The following SKIL variants were observed in gnomAD, a reference collection of about 807,000 sequenced individuals.
SKIL encodes ski-like protein.
In SKIL, 20 loss-of-function variants were observed where a neutral mutation model predicts 69.6. The ratio of observed to expected loss-of-function variants is 0.29; its 90% confidence interval spans 0.20 to 0.42. The LOEUF is 0.42. Among genes scored for constraint, SKIL ranks in the 10% least tolerant of loss-of-function variants. SKIL has a pLI of 1.00. For synonymous variants in SKIL, 310 were observed against 279.9 expected, an observed-to-expected ratio of 1.11 and a Z score of -1.08; for missense variants, 745 against 783.1, an observed-to-expected ratio of 0.95 and a Z score of 0.58.
At position 170,392,343 on chromosome 3, in the gene SKIL, A is replaced by G; in HGVS notation, c.1981A>G (p.Arg661Gly). The G allele has an allele frequency of 6.2e-7, 1 of 1,613,256 alleles. No individual in the cohort carries two copies. The highest frequency in any genetic ancestry group is 8.5e-7 in the Non-Finnish European group (1 of 1,179,234). The change falls in exon 7 of 7, where the codon AGA (arginine) becomes GGA (glycine). Residue 661 changes from arginine to glycine, a missense_variant. Arg to Gly is a moderately radical substitution (Grantham distance 125, BLOSUM62 -2). Transcript: ENST00000259119. ...TGAACTCAGACAGGAACGGGAAGCAAGACAGAAGTTAGAGATGATGATAAA... is the reference window on the plus strand; with the variant it reads ...TGAACTCAGACAGGAACGGGAAGCAGGACAGAAGTTAGAGATGATGATAAA... Reference protein sequence around the residue: ...QDELRQEREARQKLEMMIKEL... With the variant: ...QDELRQEREAGQKLEMMIKEL...
Position 170,392,348 on chromosome 3 carries a change from G to T in SKIL, c.1986G>T (p.Gln662His), listed in dbSNP as rs1435177362. ...TCAGACAGGAACGGGAAGCAAGACA[G>T]AAGTTAGAGATGATGATAAAAGAGC... ...DELRQEREAR[Q>H]KLEMMIKELK... is the part of the protein sequence containing the mutation. Residue 662 changes from glutamine (Q) to histidine (H), a missense_variant, in exon 7 of 7, where the codon CAG becomes CAT. Physicochemically the swap from Gln to His is conservative, Grantham distance 24. Coordinates refer to ENST00000259119, the MANE Select transcript of SKIL (RefSeq NM_005414.5). 15 of 1,612,810 alleles carry T rather than the reference G, an allele frequency of 9.3e-6. No individual in the cohort carries two copies. The highest frequency in any genetic ancestry group is 1.7e-5 in the Admixed American group (1 of 59,986).
chr3:170,393,111 G>T lies in SKIL; in HGVS notation c.*694G>T, dbSNP rs887430154. The T allele has an allele frequency of 6.6e-6, 1 of 152,084 alleles. No homozygotes were observed. Among genetic ancestry groups the T allele is most frequent in the African/African-American group, 2.4e-5 (1 of 41,434 alleles). 9.4% of individuals were successfully genotyped at this position (152,084 alleles called of 1,614,324 possible). A position where few individuals can be genotyped will look rare whatever the true frequency, so the allele number is the denominator to read the frequency against. On this transcript the variant is annotated 3_prime_UTR_variant, in exon 7 of 7. Coordinates refer to ENST00000259119, the MANE Select transcript of SKIL (RefSeq NM_005414.5). ...TTCAGTTTAAATGTGGTTATAGTTA[G>T]ATTTTTTTTTAAGCAGCAACTTTTC... is the stretch of plus-strand genomic sequence containing the variant.
At chr3:170,380,650 A>AT (rs1175221303) in intron 2 of SKIL, among the ~76,000 whole-genome samples, 10 of 152,030 alleles carry the variant, frequency 6.6e-5, no homozygotes, top group South Asian at 4.1e-4. Flanking sequence ...CTCAAAAAAA[A>AT]AAAAAAAATA....
intron 4 of SKIL, among the ~76,000 whole-genome samples, chr3:170,388,395 C>G (rs9835292): frequency 6.6e-6 from 1 of 152,002 alleles, no homozygotes; most frequent in South Asian, 2.1e-4. Context: ...ATTCTGGATA[C>G]TGGATCCTTA....
chr3:170,387,933 CAAA>C (rs541166783), intron 4 of SKIL, among the ~76,000 whole-genome samples: 2 of 51,086 alleles, frequency 3.9e-5, no homozygotes, highest in Non-Finnish European at 3.3e-5. Flanking sequence ...GACTCCGTCT[CAAA>C]AAAAAAAAAA....
intron 2 of SKIL, among the ~76,000 whole-genome samples, chr3:170,371,520 GAAAAAC>G: frequency 6.6e-6 from 1 of 152,106 alleles, no homozygotes; most frequent in South Asian, 2.1e-4. Flanking sequence ...AAAAGAAAAA[GAAAAAC>G]AAAAGGAGTA....
chr3:170,384,893 A>G, intron 4 of SKIL, 128 bp downstream of exon 4: 1 of 576,152 alleles, frequency 1.7e-6, no homozygotes, highest in South Asian at 2.3e-5. Context: ...TAAAAATGCT[A>G]CCCTTCAAAA....
At position 170,390,246 on chromosome 3, in the gene SKIL, A is replaced by G; in HGVS notation, c.1453A>G (p.Thr485Ala). Residue 485 changes from threonine (T) to alanine (A), a missense_variant, in exon 5 of 7, where the codon ACA becomes GCA. Coordinates refer to ENST00000259119, the MANE Select transcript of SKIL (RefSeq NM_005414.5). ...AGATGCATCAATCTCAAATAATTCTACAAGTAAAAGGAAATCTGAGTCTGC... is the reference window on the plus strand; with the variant it reads ...AGATGCATCAATCTCAAATAATTCTGCAAGTAAAAGGAAATCTGAGTCTGC... ...RLDASISNNS[T>A]SKRKSESATC... is the part of the protein sequence containing the mutation. 2.5e-6 allele frequency: 4 copies of G among 1,611,558 alleles called. No individual in the cohort carries two copies. The highest frequency in any genetic ancestry group is 1.7e-5 in the Admixed American group (1 of 59,970).
Position 170,360,480 on chromosome 3 carries a change from A to G in SKIL, c.149A>G (p.Lys50Arg). ...ACGATAAACAAGGTGCCAACAGTTAAGAAGGAACACTTGGATGACTATGGA... is the reference window on the plus strand; with the variant it reads ...ACGATAAACAAGGTGCCAACAGTTAGGAAGGAACACTTGGATGACTATGGA... ...GKTINKVPTVKKEHLDDYGEA... is the reference protein window; with the variant it reads ...GKTINKVPTVRKEHLDDYGEA... Residue 50 changes from lysine to arginine, a missense_variant, in exon 2 of 7, where the codon AAG becomes AGG. By Grantham distance (26) the Lys-to-Arg change is conservative. Coordinates refer to ENST00000259119, the MANE Select transcript of SKIL (RefSeq NM_005414.5). 1.2e-6 allele frequency: 2 copies of G among 1,614,092 alleles called. No individual in the cohort carries two copies. The highest frequency in any genetic ancestry group is 1.7e-6 in the Non-Finnish European group (2 of 1,180,008).
intron 4 of SKIL, chr3:170,384,991 C>T (rs140204755): frequency 3.0e-4 from 94 of 314,194 alleles, no homozygotes; most frequent in African/African-American, 1.7e-3. Context: ...GGCTACCTGG[C>T]CTCAGACTGC....
In SKIL at chr3:170,393,287, T is replaced by C. The variant is rs1440467547; in HGVS notation, c.*870T>C. ...CCTGTACAGTTTTTACATGTAGTTATGAGTCTTACTAAAATTTATATAATG... is the reference window on the plus strand; with the variant it reads ...CCTGTACAGTTTTTACATGTAGTTACGAGTCTTACTAAAATTTATATAATG... On this transcript the variant is annotated 3_prime_UTR_variant, in exon 7 of 7. Coordinates refer to ENST00000259119, the MANE Select transcript of SKIL (RefSeq NM_005414.5). The C allele has an allele frequency of 2.6e-5, 4 of 152,192 alleles. No individual in the cohort carries two copies. Among genetic ancestry groups the C allele is most frequent in the Non-Finnish European group, 5.9e-5 (4 of 68,016 alleles). 9.4% of individuals were successfully genotyped at this position (152,192 alleles called of 1,614,324 possible). A position where few individuals can be genotyped will look rare whatever the true frequency, so the allele number is the denominator to read the frequency against.
At chr3:170,379,001 C>T (rs550979727) in intron 2 of SKIL, among the ~76,000 whole-genome samples, 7 of 151,974 alleles carry the variant, frequency 4.6e-5, no homozygotes, top group Admixed American at 1.3e-4. Context: ...CTCAGCCTCC[C>T]GAGTAGCTGG....
At chr3:170,387,438 G>T (rs970555931) in intron 4 of SKIL, among the ~76,000 whole-genome samples, 39 of 152,020 alleles carry the variant, frequency 2.6e-4, no homozygotes, top group African/African-American at 9.2e-4. Flanking sequence ...TACAATATGT[G>T]GCTTTTCATG....
At chr3:170,377,950 A>G (rs960592990) in intron 2 of SKIL, among the ~76,000 whole-genome samples, 45 of 148,344 alleles carry the variant, frequency 3.0e-4, no homozygotes, top group African/African-American at 9.7e-4. Flanking sequence ...CTGGAGTGCA[A>G]TGGCGCCGTC....
At chr3:170,364,408 C>T (rs1736402898) in intron 2 of SKIL, among the ~76,000 whole-genome samples, 1 of 150,806 alleles carries the variant, frequency 6.6e-6, no homozygotes, top group South Asian at 2.1e-4. Context: ...ACTGCAATCT[C>T]CACCTCCCAG....
chr3:170,381,950 C>T (rs960794431), intron 3 of SKIL, among the ~76,000 whole-genome samples: 2 of 151,654 alleles, frequency 1.3e-5, no homozygotes, highest in Non-Finnish European at 2.9e-5. Flanking sequence ...GGCCTGGTGG[C>T]GGGCACCTGT....
chr3:170,387,595 A>AT (rs1278790261), intron 4 of SKIL, among the ~76,000 whole-genome samples: 3 of 151,772 alleles, frequency 2.0e-5, no homozygotes, highest in African/African-American at 7.3e-5. Context: ...TCAGTCGGAC[A>AT]TTTGCATTGG....
chr3:170,391,711 A>G (rs1419279498), intron 6 of SKIL, among the ~76,000 whole-genome samples: 1 of 152,178 alleles, frequency 6.6e-6, no homozygotes, highest in African/African-American at 2.4e-5. Context: ...ACATAGCTTT[A>G]TGCTGTATTG....
intron 2 of SKIL, among the ~76,000 whole-genome samples, chr3:170,362,615 G>T (rs1156399400): frequency 6.6e-6 from 1 of 151,644 alleles, no homozygotes; most frequent in East Asian, 1.9e-4. Flanking sequence ...AGGAGTTTGA[G>T]ACCAGCCTGG....
Sources: gnomAD v4.1 joint callset for allele counts (sites outside exome capture counted in the v4.1 genomes callset) on GRCh38, gnomAD v4.1.1 for gene constraint, MANE v1.5 for transcripts, NCBI Gene and HGNC (gene_info 2026-07-23, HGNC 2026-07-21) for gene names.